Variants in RAB3IL1 observed in about 807,000 individuals in gnomAD.
RAB3IL1 encodes RAB3A interacting protein like 1.
In RAB3IL1, 37 loss-of-function variants were observed where a neutral mutation model predicts 49.2. That is an observed-to-expected ratio of 0.75 (90% CI 0.58 to 0.99). The LOEUF is 0.99. Among genes scored for constraint, RAB3IL1 ranks in the 50% least tolerant of loss-of-function variants. RAB3IL1 has a pLI of 0.00. For synonymous variants in RAB3IL1, 193 were observed against 213.9 expected (o/e 0.90, Z 0.85); for missense variants, 484 against 513.0 (o/e 0.94, Z 0.55).
chr11:61,935,419 C>CAAA, the RAB3IL1 span, among the ~76,000 whole-genome samples: 78 of 97,026 alleles, frequency 8.0e-4, no homozygotes, highest in African/African-American at 2.9e-3. Flanking sequence ...GACTGTGTCT[C>CAAA]AAAAAAAAAA....
At position 61,906,426 on chromosome 11, in the gene RAB3IL1, C is replaced by G; in HGVS notation, c.657+40G>C. Reference sequence around the variant, plus strand: ...CGGACCCTGCCTACCGCAGGCACTGCCACCCTTCCCCGTGCCCAGAGCCCG... The same window carrying G: ...CGGACCCTGCCTACCGCAGGCACTGGCACCCTTCCCCGTGCCCAGAGCCCG... On this transcript the variant is annotated intron_variant, in intron 5 of 9. Transcript: ENST00000394836. The surrounding 1 kb of genome is among the most constrained non-coding windows in gnomAD (Gnocchi z 4.6). 1 of 1,516,118 alleles carries G rather than the reference C, an allele frequency of 6.6e-7. No individual in the cohort carries two copies. Among genetic ancestry groups the G allele is most frequent in the South Asian group, 1.2e-5 (1 of 83,398 alleles). The allele number at this position is 1,516,118 out of a possible 1,614,324, so 93.9% of individuals were successfully genotyped here.
At chr11:61,909,749 G>T (rs1939376114) in intron 1 of RAB3IL1, among the ~76,000 whole-genome samples, 2 of 152,216 alleles carry the variant, frequency 1.3e-5, no homozygotes, top group Admixed American at 1.3e-4. Context: ...TGGGGTCTGT[G>T]CCCTGGGGAC....
At chr11:61,927,403 A>C in the RAB3IL1 span, among the ~76,000 whole-genome samples, 4 of 152,208 alleles carry the variant, frequency 2.6e-5, no homozygotes. Flanking sequence ...ACAGGACCAC[A>C]GGTCAGGTAC....
chr11:61,910,194 C>T (rs549667447), intron 1 of RAB3IL1, among the ~76,000 whole-genome samples: 254 of 152,286 alleles, frequency 1.7e-3, no homozygotes, highest in Non-Finnish European at 2.9e-3. Flanking sequence ...AAAGCTTCCC[C>T]GCTGCAGGGG....
upstream of RAB3IL1, among the ~76,000 whole-genome samples, chr11:61,924,955 C>CG (rs1487175039): frequency 6.6e-6 from 1 of 152,134 alleles, no homozygotes; most frequent in Non-Finnish European, 1.5e-5. Context: ...CAGAAACCTT[C>CG]GGGGGGAAAA....
chr11:61,904,930 C>T (rs753312595), intron 5 of RAB3IL1, 48 bp from the exon 6 acceptor site: 1 of 1,439,154 alleles, frequency 6.9e-7, no homozygotes, highest in Non-Finnish European at 9.5e-7. Context: ...GTACTGGGGC[C>T]AGCATAGAAG....
chr11:61,904,700 G>A (rs372067913), intron 6 of RAB3IL1, 42 bp from the exon 7 acceptor site: 697 of 1,588,502 alleles, frequency 4.4e-4, no homozygotes, highest in Non-Finnish European at 5.5e-4. Context: ...TAAGGGGCTG[G>A]GCCCTGGCGG....
chr11:61,903,170 G>T (rs1196083474), intron 7 of RAB3IL1, among the ~76,000 whole-genome samples: 1 of 151,846 alleles, frequency 6.6e-6, no homozygotes, highest in Non-Finnish European at 1.5e-5. Flanking sequence ...GCTCTTCACT[G>T]GCCATCATCT....
At chr11:61,924,768 C>T (rs78014355), upstream of RAB3IL1, among the ~76,000 whole-genome samples, 652 of 152,108 alleles carry the variant, frequency 4.3e-3, 6 homozygotes, top group African/African-American at 0.014. Flanking sequence ...TGACCTCAGA[C>T]GAAGAAGGGA....
intron 8 of RAB3IL1, among the ~76,000 whole-genome samples, chr11:61,900,506 G>C (rs964366760): frequency 1.3e-5 from 2 of 152,154 alleles, no homozygotes; most frequent in Non-Finnish European, 2.9e-5. Context: ...CGGGGGACCA[G>C]CCCGTCGTGG....
At chr11:61,915,442 G>C (rs965144802) in intron 1 of RAB3IL1, among the ~76,000 whole-genome samples, 1 of 152,064 alleles carries the variant, frequency 6.6e-6, no homozygotes, top group Admixed American at 6.5e-5. Context: ...TCTGACCTGC[G>C]ATCACTCCCA....
the RAB3IL1 span, among the ~76,000 whole-genome samples, chr11:61,929,451 CT>C: frequency 0.35 from 52,963 of 151,692 alleles, 11,934 homozygotes; most frequent in Middle Eastern, 0.57. Context: ...GTGCAGTGAG[CT>C]GCCGAGATCG....
intron 1 of RAB3IL1, among the ~76,000 whole-genome samples, chr11:61,909,795 C>A (rs750070421): frequency 6.6e-6 from 1 of 152,232 alleles, no homozygotes; most frequent in East Asian, 1.9e-4. Context: ...TCTCTGACCA[C>A]GCTGTCTCCT....
chr11:61,929,884 C>CTTT, the RAB3IL1 span, among the ~76,000 whole-genome samples: 215 of 66,416 alleles, frequency 3.2e-3, 7 homozygotes, highest in East Asian at 5.0e-3. Context: ...CCGCGCCCGG[C>CTTT]TTTTTTTTTT....
At chr11:61,921,682 C>G (rs1368577934), upstream of RAB3IL1, among the ~76,000 whole-genome samples, 1 of 152,198 alleles carries the variant, frequency 6.6e-6, no homozygotes, top group Admixed American at 6.5e-5. Context: ...CGTCACCCTT[C>G]TCAGTGTCAC....
At chr11:61,919,946 T>C (rs972204163), upstream of RAB3IL1, 6 of 842,022 alleles carry the variant, frequency 7.1e-6, no homozygotes, top group Non-Finnish European at 9.5e-6. Flanking sequence ...ATCAGAGCCA[T>C]TGCCTAGGAC....
chr11:61,915,794 T>C (rs977911987), intron 1 of RAB3IL1, among the ~76,000 whole-genome samples: 1 of 152,056 alleles, frequency 6.6e-6, no homozygotes, highest in Non-Finnish European at 1.5e-5. Context: ...TCCCAGCACT[T>C]TGGGAGGCTG....
the RAB3IL1 span, among the ~76,000 whole-genome samples, chr11:61,940,658 C>T: frequency 6.6e-6 from 1 of 151,614 alleles, no homozygotes; most frequent in Non-Finnish European, 1.5e-5. Flanking sequence ...CGCGGTGGCT[C>T]ACGCCTGTAA....
chr11:61,917,371 G>A lies in RAB3IL1; in HGVS notation c.-4C>T. The stretch of plus-strand genomic sequence containing the variant: ...CGCGGACCTACCCGCTCCACATCCC[G>A]GCGCCTCGGGGCGCCCAGGCGTCCG... On this transcript the variant is annotated 5_prime_UTR_variant, in exon 1 of 10. Transcript: ENST00000394836. The A allele has an allele frequency of 8.0e-7, 1 of 1,249,738 alleles. No individual in the cohort carries two copies. Among genetic ancestry groups the A allele is most frequent in the Non-Finnish European group, 1.0e-6 (1 of 998,970 alleles). 77.4% of individuals were successfully genotyped at this position (1,249,738 alleles called of 1,614,324 possible). A position where few individuals can be genotyped will look rare whatever the true frequency, so the allele number is the denominator to read the frequency against.
Sources: allele counts gnomAD v4.1 joint callset (sites outside exome capture counted in the v4.1 genomes callset), GRCh38; gene constraint gnomAD v4.1.1; non-coding constraint Gnocchi (gnomAD v3.1); transcripts MANE v1.5; gene names NCBI Gene and HGNC (gene_info 2026-07-23, HGNC 2026-07-21).